Variants in NRXN3 observed in about 807,000 individuals in gnomAD.
The protein encoded by NRXN3 is neurexin 3.
Under a neutral mutation model 137.6 loss-of-function variants are expected in NRXN3, and 32 were observed. The observed-to-expected ratio is 0.23, with a 90% confidence interval of 0.18 to 0.31. The LOEUF (loss-of-function observed/expected upper bound fraction) is 0.31, where lower values mean the gene tolerates loss of function less well. Among genes scored for constraint, NRXN3 ranks in the 10% least tolerant of loss-of-function variants. NRXN3 has a pLI of 1.00. For synonymous variants in NRXN3, 798 were observed against 784.5 expected, an observed-to-expected ratio of 1.02 and a Z score of -0.29; for missense variants, 1,574 against 2,062.5, an observed-to-expected ratio of 0.76 and a Z score of 4.59.
intron 4 of NRXN3, among the ~76,000 whole-genome samples, chr14:78,601,790 A>G (rs112847941): frequency 0.025 from 3,738 of 152,138 alleles, 148 homozygotes; most frequent in African/African-American, 0.085. Context: ...TGGCACCCTC[A>G]TCTTCTGCCA....
At chr14:78,377,923 G>A (rs1436464328) in intron 4 of NRXN3, among the ~76,000 whole-genome samples, 3 of 152,112 alleles carry the variant, frequency 2.0e-5, no homozygotes, top group Admixed American at 6.5e-5. Context: ...CAACTAATAG[G>A]AACTAATTGA....
intron 4 of NRXN3, among the ~76,000 whole-genome samples, chr14:78,551,929 G>A (rs1414732531): frequency 6.6e-6 from 1 of 152,054 alleles, no homozygotes; most frequent in East Asian, 1.9e-4. Context: ...GACCAAAAGT[G>A]CCCTTAGAGA....
At chr14:78,659,349 T>C (rs2097814179) in intron 6 of NRXN3, among the ~76,000 whole-genome samples, 1 of 151,964 alleles carries the variant, frequency 6.6e-6, no homozygotes, top group African/African-American at 2.4e-5. Flanking sequence ...TCTAGTAAAT[T>C]ATAGAGCTTT....
At chr14:79,835,496 T>G (rs985322104) in intron 20 of NRXN3, among the ~76,000 whole-genome samples, 6 of 152,162 alleles carry the variant, frequency 3.9e-5, no homozygotes, top group Non-Finnish European at 7.3e-5. Flanking sequence ...TTGAAATAAT[T>G]CAGCATCTCA....
intron 15 of NRXN3, among the ~76,000 whole-genome samples, chr14:79,124,143 C>T (rs925747125): frequency 3.3e-5 from 5 of 152,122 alleles, no homozygotes; most frequent in South Asian, 2.1e-4. Context: ...ATTGCATCAG[C>T]GCTCAATATA....
At chr14:78,688,283 A>C (rs1317420042) in intron 6 of NRXN3, among the ~76,000 whole-genome samples, 2 of 152,214 alleles carry the variant, frequency 1.3e-5, no homozygotes, top group African/African-American at 4.8e-5. Flanking sequence ...ACAGGTAGAG[A>C]TCTTACAGAG....
chr14:79,114,034 C>T (rs1993959), intron 15 of NRXN3, among the ~76,000 whole-genome samples: 4,628 of 152,266 alleles, frequency 0.03, 229 homozygotes, highest in African/African-American at 0.11. Context: ...CTGATCTTGA[C>T]GCTTAATGAC....
At chr14:79,759,188 T>C (rs2099030035) in intron 19 of NRXN3, among the ~76,000 whole-genome samples, 1 of 151,960 alleles carries the variant, frequency 6.6e-6, no homozygotes, top group Non-Finnish European at 1.5e-5. Context: ...CCAATTTCTC[T>C]TTCAAGTCAG....
At chr14:79,445,573 A>C (rs535585566) in intron 15 of NRXN3, among the ~76,000 whole-genome samples, 2 of 152,264 alleles carry the variant, frequency 1.3e-5, no homozygotes, top group Admixed American at 1.3e-4. Context: ...GATGAGGGAA[A>C]GTTGCTACTT....
intron 15 of NRXN3, among the ~76,000 whole-genome samples, chr14:79,076,874 A>T (rs961999615): frequency 1.3e-5 from 2 of 152,158 alleles, no homozygotes; most frequent in Non-Finnish European, 2.9e-5. Context: ...GTAGAGAAGC[A>T]TTGCATTTAT....
At chr14:78,964,691 A>G (rs943749169) in intron 11 of NRXN3, among the ~76,000 whole-genome samples, 1 of 152,158 alleles carries the variant, frequency 6.6e-6, no homozygotes, top group Non-Finnish European at 1.5e-5. Flanking sequence ...ATGTTTTAAC[A>G]TGATTTTTCT....
At chr14:78,374,769 CAAAAAAAAAAA>C (rs3037807) in intron 4 of NRXN3, among the ~76,000 whole-genome samples, 25 of 115,496 alleles carry the variant, frequency 2.2e-4, no homozygotes, top group Admixed American at 2.6e-4. Context: ...ACTCCATCTC[CAAAAAAAAAAA>C]AAAAAAAAAA....
intron 16 of NRXN3, among the ~76,000 whole-genome samples, chr14:79,507,512 G>A (rs1230917533): frequency 6.6e-6 from 1 of 152,194 alleles, no homozygotes; most frequent in East Asian, 1.9e-4. Context: ...GAATACAAAT[G>A]CCTAGTCTCT....
At chr14:79,686,648 A>G (rs1344520591) in intron 17 of NRXN3, among the ~76,000 whole-genome samples, 1 of 152,174 alleles carries the variant, frequency 6.6e-6, no homozygotes, top group Non-Finnish European at 1.5e-5. Context: ...GATTAAATAA[A>G]TTGCCCAAGT....
intron 15 of NRXN3, among the ~76,000 whole-genome samples, chr14:79,271,479 C>A (rs544080917): frequency 0.011 from 1,363 of 126,916 alleles, 26 homozygotes; most frequent in African/African-American, 0.038. Flanking sequence ...CACCCCTTAC[C>A]TTCCCCCTTC....
At chr14:79,846,967 A>C (rs2049826) in intron 20 of NRXN3, among the ~76,000 whole-genome samples, 116,617 of 152,078 alleles carry the variant, frequency 0.77, 45,005 homozygotes, top group East Asian at 0.91. Flanking sequence ...TTAACCTCAC[A>C]GGGCAGATTT....
chr14:78,465,421 A>G (rs1442050566), intron 4 of NRXN3, among the ~76,000 whole-genome samples: 4 of 152,234 alleles, frequency 2.6e-5, no homozygotes. Context: ...AAGAAACTGG[A>G]TATGAAACTA....
intron 4 of NRXN3, among the ~76,000 whole-genome samples, chr14:78,620,347 T>G (rs2097389784): frequency 6.6e-6 from 1 of 152,180 alleles, no homozygotes; most frequent in South Asian, 2.1e-4. Context: ...ATGCAGATAA[T>G]GTGTTAGGCA....
At position 78,968,280 on chromosome 14, in the gene NRXN3, G is replaced by A; in HGVS notation, c.3076G>A (p.Gly1026Arg). 6.2e-7 allele frequency: 1 copy of A among 1,614,056 alleles called. No individual in the cohort carries two copies. The highest frequency in any genetic ancestry group is 1.3e-5 in the African/African-American group (1 of 75,014). Residue 1026 changes from glycine (G) to arginine (R), a missense_variant, in exon 14 of 21, where the codon GGA becomes AGA. Coordinates refer to ENST00000335750, the MANE Select transcript of NRXN3 (RefSeq NM_001330195.2). ...QGCLASVDLN[G>R]RLPDLINDAL... Reference sequence around the variant, plus strand: ...CTGTCTAGCATCAGTGGACTTGAATGGACGCCTGCCAGACCTCATCAATGA... The same window carrying A: ...CTGTCTAGCATCAGTGGACTTGAATAGACGCCTGCCAGACCTCATCAATGA...
Sources: allele counts gnomAD v4.1 joint callset (sites outside exome capture counted in the v4.1 genomes callset), GRCh38; gene constraint gnomAD v4.1.1; transcripts MANE v1.5; gene names NCBI Gene and HGNC (gene_info 2026-07-23, HGNC 2026-07-21).